The following ARHGEF3 variants were observed in gnomAD, a reference collection of about 807,000 sequenced individuals.
The protein encoded by ARHGEF3 is 59.8 kDA protein.
Under a neutral mutation model 63.2 loss-of-function variants are expected in ARHGEF3, and 28 were observed. That is an observed-to-expected ratio of 0.44 (90% CI 0.33 to 0.61). The LOEUF (loss-of-function observed/expected upper bound fraction) is 0.61, where lower values mean the gene tolerates loss of function less well. ARHGEF3 is among the 20% of genes least tolerant of loss of function. The pLI, the probability that ARHGEF3 is intolerant of heterozygous loss-of-function variation, is 0.03. For synonymous variants in ARHGEF3, 266 were observed against 254.2 expected (o/e 1.05, Z -0.44); for missense variants, 533 against 659.3 (o/e 0.81, Z 2.10).
chr3:57,075,687 A>G (rs1173090948), intron 1 of ARHGEF3, among the ~76,000 whole-genome samples: 1 of 152,144 alleles, frequency 6.6e-6, no homozygotes, highest in Non-Finnish European at 1.5e-5. Context: ...GTGCATGCCC[A>G]TAGTCCCAGT....
intron 1 of ARHGEF3, among the ~76,000 whole-genome samples, chr3:57,035,714 C>T (rs906943997): frequency 1.3e-5 from 2 of 152,178 alleles, no homozygotes; most frequent in African/African-American, 4.8e-5. Context: ...CCCAGTGGAA[C>T]GTGAGAAGAA....
chr3:57,030,413 G>C (rs1392785831), intron 2 of ARHGEF3, among the ~76,000 whole-genome samples: 2 of 152,208 alleles, frequency 1.3e-5, no homozygotes, highest in Non-Finnish European at 2.9e-5. Flanking sequence ...ACTCTGCAGG[G>C]AATGCCTAAT....
At chr3:56,903,564 C>G (rs748087150) in intron 3 of ARHGEF3, among the ~76,000 whole-genome samples, 1 of 152,216 alleles carries the variant, frequency 6.6e-6, no homozygotes, top group Non-Finnish European at 1.5e-5. Context: ...AACTAAGCTC[C>G]TTCTTTAACA....
rs745765940 is a variant in ARHGEF3, at chr3:56,870,528, A to G, written c.192+11764T>C. 7.9e-5 allele frequency among the ~76,000 whole-genome samples: 12 copies of G among 152,212 alleles called. 1 individual carries two copies. The highest frequency in any genetic ancestry group is 4.1e-4 in the South Asian group (2 of 4,834). On this transcript the variant is annotated intron_variant, in intron 4 of 12. Coordinates refer to the ARHGEF3 transcript ENST00000338458. The stretch of plus-strand genomic sequence containing the variant: ...CAGGGCAGTGAAAGCATTCTGTATG[A>G]AACCATAATGGTGGATATGTGTGAT...
intron 2 of ARHGEF3, among the ~76,000 whole-genome samples, chr3:57,000,922 T>C (rs899591280): frequency 2.0e-5 from 3 of 152,122 alleles, no homozygotes; most frequent in Non-Finnish European, 4.4e-5. Flanking sequence ...TATACCTATA[T>C]AACCTTCTGC....
At chr3:57,062,807 A>C (rs1338517910) in intron 1 of ARHGEF3, among the ~76,000 whole-genome samples, 1 of 152,156 alleles carries the variant, frequency 6.6e-6, no homozygotes, top group Non-Finnish European at 1.5e-5. Flanking sequence ...TAATAGAAGA[A>C]TCAAATGGCT....
intron 2 of ARHGEF3, among the ~76,000 whole-genome samples, chr3:56,962,967 AGTATGGGTTCAGAATTGAACAT>A (rs1248045990): frequency 6.6e-6 from 1 of 152,166 alleles, no homozygotes; most frequent in Non-Finnish European, 1.5e-5. Context: ...ACAGCTTCTT[AGTATGGGTTCAGAATTGAACAT>A]GTATTTAGAC....
chr3:57,039,914 A>G (rs1404858689), intron 1 of ARHGEF3, among the ~76,000 whole-genome samples: 3 of 152,194 alleles, frequency 2.0e-5, no homozygotes, highest in Admixed American at 6.5e-5. Flanking sequence ...ACACAGTCCC[A>G]GGTATTACTG....
At chr3:56,757,357 C>A (rs1303082002) in intron 2 of ARHGEF3, among the ~76,000 whole-genome samples, 1 of 151,998 alleles carries the variant, frequency 6.6e-6, no homozygotes, top group Non-Finnish European at 1.5e-5. Flanking sequence ...GCCTGTAATC[C>A]CAGCTACTCA....
chr3:56,932,282 G>C (rs1371233765), intron 3 of ARHGEF3, among the ~76,000 whole-genome samples: 1 of 151,964 alleles, frequency 6.6e-6, no homozygotes, highest in African/African-American at 2.4e-5. Context: ...ACGTACGAAA[G>C]TCAAAACAAA....
At chr3:57,079,159 C>T (rs1427496249) in intron 1 of ARHGEF3, 4 of 390,406 alleles carry the variant, frequency 1.0e-5, no homozygotes, top group African/African-American at 8.3e-5. Context: ...GGTGTCCCGC[C>T]AAAGGGGTGT....
At chr3:57,078,178 G>A (rs1706301544) in intron 1 of ARHGEF3, among the ~76,000 whole-genome samples, 1 of 152,144 alleles carries the variant, frequency 6.6e-6, no homozygotes, top group South Asian at 2.1e-4. Flanking sequence ...ATAGGTAAGC[G>A]AAGTAACTTG....
chr3:56,862,811 C>T (rs946197980), intron 4 of ARHGEF3, among the ~76,000 whole-genome samples: 1 of 152,188 alleles, frequency 6.6e-6, no homozygotes, highest in Admixed American at 6.5e-5. Context: ...GAGTCAAATG[C>T]ACCCCCTTAG....
intron 3 of ARHGEF3, among the ~76,000 whole-genome samples, chr3:56,932,887 C>A (rs1437673445): frequency 6.6e-6 from 1 of 152,106 alleles, no homozygotes; most frequent in African/African-American, 2.4e-5. Flanking sequence ...TCAACTGTTA[C>A]CTCATTATCA....
At chr3:56,986,159 C>T (rs1701527274) in intron 2 of ARHGEF3, among the ~76,000 whole-genome samples, 1 of 152,210 alleles carries the variant, frequency 6.6e-6, no homozygotes. Context: ...AACCACACAC[C>T]CACAAACTAC....
chr3:56,901,690 C>G (rs934091143), intron 3 of ARHGEF3, among the ~76,000 whole-genome samples: 5 of 151,234 alleles, frequency 3.3e-5, no homozygotes, highest in Non-Finnish European at 7.4e-5. Context: ...CTCATGTGAT[C>G]CTTCCTCCTC....
chr3:57,012,914 A>G (rs1291962206), intron 2 of ARHGEF3, among the ~76,000 whole-genome samples: 1 of 152,202 alleles, frequency 6.6e-6, no homozygotes, highest in African/African-American at 2.4e-5. Context: ...GGGGCTGCGC[A>G]CGGGCTCGCA....
At chr3:56,763,658 A>G (rs1435347339) in intron 2 of ARHGEF3, among the ~76,000 whole-genome samples, 1 of 152,190 alleles carries the variant, frequency 6.6e-6, no homozygotes, top group Non-Finnish European at 1.5e-5. Flanking sequence ...AATGTTAACA[A>G]GGTTTACACC....
chr3:56,995,620 C>CTA (rs1460466352), intron 2 of ARHGEF3, among the ~76,000 whole-genome samples: 1 of 113,194 alleles, frequency 8.8e-6, no homozygotes, highest in Non-Finnish European at 1.8e-5. Flanking sequence ...GTAAATTTTC[C>CTA]GAGAGAGAGA....
Sources: allele counts gnomAD v4.1 joint callset (sites outside exome capture counted in the v4.1 genomes callset), GRCh38; gene constraint gnomAD v4.1.1; transcripts MANE v1.5; gene names NCBI Gene and HGNC (gene_info 2026-07-23, HGNC 2026-07-21).